RAB2A: variants seen among roughly 807,000 people sequenced by gnomAD.
RAB2A encodes the protein RAB2A, member RAS oncogene family, also known as ras-related protein Rab-2A.
RAB2A carries 7 observed loss-of-function variants against 32.5 expected under a neutral mutation model. The ratio of observed to expected loss-of-function variants is 0.22; its 90% confidence interval spans 0.12 to 0.40. RAB2A has a LOEUF of 0.40. Ranked by LOEUF, RAB2A falls within the 10% of genes least tolerant of loss-of-function variation. RAB2A has a pLI of 1.00. For synonymous variants in RAB2A, 79 were observed against 85.2 expected (o/e 0.93, Z 0.40); for missense variants, 108 against 260.7 (o/e 0.41, Z 4.03).
At chr8:60,531,666 A>G (rs549184152) in intron 1 of RAB2A, among the ~76,000 whole-genome samples, 1 of 152,312 alleles carries the variant, frequency 6.6e-6, no homozygotes, top group East Asian at 1.9e-4. Flanking sequence ...CCATGACTCA[A>G]TAAAAGAAAG....
chr8:60,588,815 TA>T, intron 5 of RAB2A, among the ~76,000 whole-genome samples: 1 of 152,356 alleles, frequency 6.6e-6, no homozygotes, highest in Non-Finnish European at 1.5e-5. Flanking sequence ...AAAAAAGCTA[TA>T]ATGTAAAACA....
intron 6 of RAB2A, among the ~76,000 whole-genome samples, chr8:60,608,393 T>A (rs969531389): frequency 2.6e-5 from 4 of 152,110 alleles, no homozygotes; most frequent in Non-Finnish European, 5.9e-5. Context: ...TCAGTAAACT[T>A]CTTTCTTAGC....
chr8:60,620,560 A>C (rs778210789), intron 7 of RAB2A, 114 bp from the exon 8 acceptor site: 169 of 757,778 alleles, frequency 2.2e-4, no homozygotes, highest in Admixed American at 3.7e-4. Flanking sequence ...TACTTGCTGT[A>C]TTTTTCTCAG....
chr8:60,594,535 AG>A (rs1318453936), intron 6 of RAB2A, among the ~76,000 whole-genome samples: 7 of 152,176 alleles, frequency 4.6e-5, no homozygotes, highest in Non-Finnish European at 7.3e-5. Flanking sequence ...CACAACGAGC[AG>A]GTTTGTTACC....
chr8:60,578,450 G>T lies in RAB2A; in HGVS notation c.187-5758G>T, dbSNP rs528133870. Among the ~76,000 whole-genome samples the T allele has an allele frequency of 2.0e-5, 3 of 152,312 alleles. No homozygotes were observed. The East Asian group carries it at 5.8e-4, about 29-fold the overall frequency. On this transcript the variant is annotated intron_variant, in intron 3 of 7. Transcript: ENST00000262646. ...TGGTCCTCAAAGGAAATGGAAATTG[G>T]ATAGGTGGAGAGAGAAGAAAATAGT...
intron 5 of RAB2A, among the ~76,000 whole-genome samples, chr8:60,587,757 T>C (rs1317024731): frequency 6.7e-6 from 1 of 149,160 alleles, no homozygotes; most frequent in Admixed American, 6.6e-5. Flanking sequence ...ATTTTACCTA[T>C]CAATTTAAAT....
At chr8:60,600,927 A>C (rs921530014) in intron 6 of RAB2A, among the ~76,000 whole-genome samples, 2 of 152,232 alleles carry the variant, frequency 1.3e-5, no homozygotes, top group African/African-American at 4.8e-5. Flanking sequence ...CTGGGGGGAA[A>C]CTACATAAAT....
Position 60,601,346 on chromosome 8 carries a change from C to CT in RAB2A, c.474+9388dup, listed in dbSNP as rs879734121. Among the ~76,000 whole-genome samples the CT allele has an allele frequency of 6.9e-3, 1,016 of 147,318 alleles. 9 individuals carry two copies. The highest frequency in any genetic ancestry group is 8.3e-3 in the Non-Finnish European group (549 of 66,242). On this transcript the variant is annotated intron_variant, in intron 6 of 7. Transcript: ENST00000262646. Reference sequence around the variant, plus strand: ...ATTATGCATAGACTTTATTTTCTTTCTTTTTTTTTTTGAGATGGAGTGTCG... The same window carrying CT: ...ATTATGCATAGACTTTATTTTCTTTCTTTTTTTTTTTTGAGATGGAGTGTCG...
intron 6 of RAB2A, among the ~76,000 whole-genome samples, chr8:60,598,952 A>G (rs1466188701): frequency 3.4e-5 from 5 of 148,518 alleles, no homozygotes; most frequent in South Asian, 2.1e-4. Flanking sequence ...AAAAAAAAAA[A>G]AAAAAAAAAA....
At chr8:60,616,317 T>G (rs2625441) in intron 6 of RAB2A, among the ~76,000 whole-genome samples, 58,894 of 152,030 alleles carry the variant, frequency 0.39, 11,516 homozygotes, top group East Asian at 0.55. Flanking sequence ...ATAATAACTT[T>G]TGTAGTATAA....
At chr8:60,533,594 A>T (rs1411720228) in intron 1 of RAB2A, among the ~76,000 whole-genome samples, 3 of 152,192 alleles carry the variant, frequency 2.0e-5, no homozygotes, top group African/African-American at 7.2e-5. Context: ...AATTTGATTG[A>T]CACATATGAA....
intron 2 of RAB2A, among the ~76,000 whole-genome samples, chr8:60,561,021 C>T (rs1808014860): frequency 1.3e-5 from 2 of 152,170 alleles, no homozygotes; most frequent in South Asian, 4.1e-4. Flanking sequence ...TCTTTTTCTC[C>T]TTGGGTTGAC....
chr8:60,524,252 C>T (rs1016887096), intron 1 of RAB2A, among the ~76,000 whole-genome samples: 3 of 152,178 alleles, frequency 2.0e-5, no homozygotes, highest in Admixed American at 2.0e-4. Flanking sequence ...TTCCCTCCTT[C>T]ATTTTAATTC....
intron 6 of RAB2A, among the ~76,000 whole-genome samples, chr8:60,596,995 C>T (rs1382070576): frequency 1.3e-5 from 2 of 152,112 alleles, no homozygotes; most frequent in East Asian, 1.9e-4. Context: ...ACATTGTTGG[C>T]GGGAGGGTAA....
At chr8:60,586,984 C>T (rs150354522) in intron 5 of RAB2A, among the ~76,000 whole-genome samples, 56 of 144,644 alleles carry the variant, frequency 3.9e-4, no homozygotes, top group Non-Finnish European at 7.2e-4. Context: ...AACTATCAAA[C>T]ATTGGCAGAC....
At chr8:60,550,196 TC>T (rs1343558358) in intron 1 of RAB2A, among the ~76,000 whole-genome samples, 4 of 152,198 alleles carry the variant, frequency 2.6e-5, no homozygotes, top group Non-Finnish European at 5.9e-5. Flanking sequence ...CACTGAACTT[TC>T]TGTTTGATCA....
At chr8:60,527,518 C>G (rs1337130220) in intron 1 of RAB2A, among the ~76,000 whole-genome samples, 5 of 152,108 alleles carry the variant, frequency 3.3e-5, no homozygotes, top group Admixed American at 3.3e-4. Context: ...AGGGCCATGC[C>G]TTATTAAACA....
chr8:60,594,414 T>TA (rs938486523), intron 6 of RAB2A, among the ~76,000 whole-genome samples: 2 of 152,142 alleles, frequency 1.3e-5, no homozygotes, highest in Non-Finnish European at 1.5e-5. Flanking sequence ...GAAAAACAGT[T>TA]CTAATGATAG....
At chr8:60,541,285 A>G (rs1408202661) in intron 1 of RAB2A, among the ~76,000 whole-genome samples, 4 of 115,260 alleles carry the variant, frequency 3.5e-5, no homozygotes, top group Admixed American at 3.2e-4. Context: ...ACCAAGAGGA[A>G]CCTTAAAGAA....
Sources: gnomAD v4.1 joint callset for allele counts (sites outside exome capture counted in the v4.1 genomes callset) on GRCh38, gnomAD v4.1.1 for gene constraint, MANE v1.5 for transcripts, NCBI Gene and HGNC (gene_info 2026-07-23, HGNC 2026-07-21) for gene names.